Variants in CACNA2D3 observed in about 807,000 individuals in gnomAD.
CACNA2D3 encodes calcium voltage-gated channel auxiliary subunit alpha2delta 3.
A neutral mutation model predicts 160.6 loss-of-function variants in CACNA2D3; 60 were observed. The observed-to-expected ratio is 0.37, with a 90% CI of 0.30 to 0.46. CACNA2D3 has a LOEUF of 0.46. Ranked by LOEUF, CACNA2D3 falls within the 20% of genes least tolerant of loss-of-function variation. The pLI, the probability that CACNA2D3 is intolerant of heterozygous loss-of-function variation, is 1.00. For missense variants in CACNA2D3, 1,205 were observed against 1,365.0 expected (o/e 0.88, Z 1.85); for synonymous variants, 558 against 492.9 (o/e 1.13, Z -1.75).
intron 11 of CACNA2D3, among the ~76,000 whole-genome samples, chr3:54,682,283 G>T (rs900558622): frequency 6.6e-6 from 1 of 151,920 alleles, no homozygotes; most frequent in Non-Finnish European, 1.5e-5. Context: ...CAGACTTAAA[G>T]TTCTTCTTTA....
At chr3:54,645,305 C>G (rs1375182281) in intron 11 of CACNA2D3, among the ~76,000 whole-genome samples, 1 of 152,216 alleles carries the variant, frequency 6.6e-6, no homozygotes, top group African/African-American at 2.4e-5. Flanking sequence ...TCACCTCCCA[C>G]CAGGTAGCTC....
intron 2 of CACNA2D3, among the ~76,000 whole-genome samples, chr3:54,265,697 A>G (rs925029109): frequency 1.3e-5 from 2 of 150,524 alleles, no homozygotes; most frequent in Non-Finnish European, 3.0e-5. Context: ...TAGTGTGGGT[A>G]TATATAGTGT....
At chr3:54,453,481 C>CA (rs1293287506) in intron 4 of CACNA2D3, among the ~76,000 whole-genome samples, 1 of 149,630 alleles carries the variant, frequency 6.7e-6, no homozygotes, top group Non-Finnish European at 1.5e-5. Context: ...CCATCCCTCT[C>CA]AGGACTTTCT....
At chr3:54,303,002 T>C (rs1477186295) in intron 2 of CACNA2D3, among the ~76,000 whole-genome samples, 1 of 152,048 alleles carries the variant, frequency 6.6e-6, no homozygotes, top group Non-Finnish European at 1.5e-5. Context: ...CTCTGGTCTT[T>C]CCCTCTCCTG....
intron 10 of CACNA2D3, among the ~76,000 whole-genome samples, chr3:54,635,211 A>C (rs1173988354): frequency 6.6e-6 from 1 of 152,022 alleles, no homozygotes; most frequent in Non-Finnish European, 1.5e-5. Flanking sequence ...TGAAAAACTA[A>C]ATGGAATAAG....
intron 35 of CACNA2D3, among the ~76,000 whole-genome samples, chr3:55,041,610 CA>C (rs1703962138): frequency 6.6e-6 from 1 of 151,816 alleles, no homozygotes; most frequent in Non-Finnish European, 1.5e-5. Context: ...TTGCTTTTTT[CA>C]AAAAATCATT....
chr3:54,257,900 A>T lies in CACNA2D3; in HGVS notation c.205-62542A>T, dbSNP rs1427024193. Reference sequence around the variant, plus strand: ...AGAAGGACAATCGAAGAAATTAGAAAATGGGGATAGTCCAATAGTCCCTGG... The same window carrying T: ...AGAAGGACAATCGAAGAAATTAGAATATGGGGATAGTCCAATAGTCCCTGG... On this transcript the variant is annotated intron_variant, in intron 2 of 37. Transcript: ENST00000474759. 8.5e-5 allele frequency among the ~76,000 whole-genome samples: 13 copies of T among 152,328 alleles called. No individual in the cohort carries two copies. In the East Asian group the frequency reaches 2.3e-3, roughly 27 times the overall value.
At chr3:55,008,143 C>G (rs1703136823) in intron 33 of CACNA2D3, among the ~76,000 whole-genome samples, 1 of 152,210 alleles carries the variant, frequency 6.6e-6, no homozygotes, top group East Asian at 1.9e-4. Flanking sequence ...GCTGATTTTA[C>G]TGCAGCCTGG....
chr3:54,894,355 G>A (rs1171199425), intron 25 of CACNA2D3, among the ~76,000 whole-genome samples: 1 of 152,152 alleles, frequency 6.6e-6, no homozygotes, highest in Non-Finnish European at 1.5e-5. Flanking sequence ...AAGTGCTGCA[G>A]GCTCCTGCTG....
chr3:54,550,427 G>A (rs776445919), intron 5 of CACNA2D3, among the ~76,000 whole-genome samples: 3 of 152,186 alleles, frequency 2.0e-5, no homozygotes, highest in Non-Finnish European at 2.9e-5. Flanking sequence ...ACCGCGTGGC[G>A]CAGTGGCTCC....
intron 11 of CACNA2D3, among the ~76,000 whole-genome samples, chr3:54,685,627 C>T (rs756075331): frequency 9.9e-5 from 15 of 152,214 alleles, no homozygotes; most frequent in Non-Finnish European, 1.9e-4. Flanking sequence ...TCTTAACCTC[C>T]GTTGTCTCAT....
intron 4 of CACNA2D3, among the ~76,000 whole-genome samples, chr3:54,501,443 G>A (rs930451084): frequency 1.1e-4 from 15 of 134,780 alleles, no homozygotes; most frequent in African/African-American, 4.1e-4. Flanking sequence ...GTCTCACTCT[G>A]TCACCCAGGC....
chr3:54,514,643 T>C (rs1163382040), intron 5 of CACNA2D3, among the ~76,000 whole-genome samples: 1 of 152,006 alleles, frequency 6.6e-6, no homozygotes, highest in Non-Finnish European at 1.5e-5. Context: ...AGGGTTGTGG[T>C]ACAGTAAGAG....
intron 4 of CACNA2D3, among the ~76,000 whole-genome samples, chr3:54,433,662 C>A (rs1334540291): frequency 6.6e-6 from 1 of 152,148 alleles, no homozygotes; most frequent in African/African-American, 2.4e-5. Context: ...GGCCTGCGGA[C>A]CTTTGCACTT....
At chr3:54,674,538 T>G (rs537384877) in intron 11 of CACNA2D3, among the ~76,000 whole-genome samples, 1 of 151,950 alleles carries the variant, frequency 6.6e-6, no homozygotes, top group African/African-American at 2.4e-5. Flanking sequence ...GCCAACAGGG[T>G]TGTGTGTTTT....
intron 9 of CACNA2D3, among the ~76,000 whole-genome samples, chr3:54,600,315 C>T (rs938565537): frequency 2.6e-5 from 4 of 152,210 alleles, no homozygotes; most frequent in African/African-American, 9.7e-5. Context: ...TCATCCACTG[C>T]ACAAAGCAGA....
chr3:54,163,747 G>A (rs1438009390), intron 2 of CACNA2D3, among the ~76,000 whole-genome samples: 1 of 152,212 alleles, frequency 6.6e-6, no homozygotes, highest in Non-Finnish European at 1.5e-5. Context: ...GCAGCTGCAA[G>A]GACAGTGAGG....
At position 54,348,611 on chromosome 3, in the gene CACNA2D3, C is replaced by G. The variant is rs577364327; in HGVS notation, c.321+28053C>G. Among the ~76,000 whole-genome samples, 8 of 152,330 alleles carry G rather than the reference C, an allele frequency of 5.3e-5. No homozygotes were observed. In the East Asian group the frequency reaches 1.5e-3, roughly 29 times the overall value. Reference sequence around the variant, plus strand: ...ACTGCTTATTTCTTTGGCCGTAACTCAAGTTTTTCTTATTCTGGGGATTAT... The same window carrying G: ...ACTGCTTATTTCTTTGGCCGTAACTGAAGTTTTTCTTATTCTGGGGATTAT... On this transcript the variant is annotated intron_variant, in intron 3 of 37. Coordinates refer to ENST00000474759, the MANE Select transcript of CACNA2D3 (RefSeq NM_018398.3).
rs1699363201 is a variant in CACNA2D3 at position 54,636,019 on chromosome 3, G to A, written c.1054-6109G>A. Among the ~76,000 whole-genome samples, 3 of 151,946 alleles carry A rather than the reference G, an allele frequency of 2.0e-5. No homozygotes were observed. In the South Asian group the frequency reaches 6.2e-4, roughly 31 times the overall value. On this transcript the variant is annotated intron_variant, in intron 10 of 37. Coordinates refer to ENST00000474759, the MANE Select transcript of CACNA2D3 (RefSeq NM_018398.3). ...GCTAATTTGCCAGTCCTGGGTGGGG[G>A]CAAATCCCTGAGCTTGATGTGTAGG...
Sources: allele counts gnomAD v4.1 joint callset (sites outside exome capture counted in the v4.1 genomes callset), GRCh38; gene constraint gnomAD v4.1.1; transcripts MANE v1.5; gene names NCBI Gene and HGNC (gene_info 2026-07-23, HGNC 2026-07-21).